Variants in CHD6 observed in about 807,000 individuals in gnomAD.
CHD6 encodes the protein chromodomain helicase DNA binding protein 6.
In CHD6, 50 loss-of-function variants were observed where a neutral mutation model predicts 276.9. The ratio of observed to expected loss-of-function variants is 0.18; its 90% CI spans 0.14 to 0.23. The LOEUF (loss-of-function observed/expected upper bound fraction) is 0.23. Ranked by LOEUF, CHD6 falls within the 10% of genes least tolerant of loss-of-function variation. The pLI, the probability that CHD6 is intolerant of heterozygous loss-of-function variation, is 1.00. For synonymous variants in CHD6, 1,173 were observed against 1,229.3 expected, an observed-to-expected ratio of 0.95 and a Z score of 0.96; for missense variants, 2,564 against 3,365.8, an observed-to-expected ratio of 0.76 and a Z score of 5.89.
rs117191574 is a variant in CHD6 at position 41,539,620 on chromosome 20, C to A, written c.34-6050G>T. Among the ~76,000 whole-genome samples, 16 of 152,192 alleles carry A rather than the reference C, an allele frequency of 1.1e-4. No individual in the cohort carries two copies. The East Asian group carries it at 2.5e-3, about 24-fold the overall frequency. ...CACTGCCCAGGGAGTGACCTTAAGACCAAATTAGATAAAAATACAACAAAA... is the reference window on the plus strand; with the variant it reads ...CACTGCCCAGGGAGTGACCTTAAGAACAAATTAGATAAAAATACAACAAAA... On this transcript the variant is annotated intron_variant, in intron 2 of 36. Coordinates refer to ENST00000373233, the MANE Select transcript of CHD6 (RefSeq NM_032221.5).
chr20:41,595,386 C>T (rs1020815785), intron 1 of CHD6, among the ~76,000 whole-genome samples: 2 of 152,078 alleles, frequency 1.3e-5, no homozygotes, highest in African/African-American at 4.8e-5. Context: ...GTGGGGCACG[C>T]CTTTCCTGTC....
intron 1 of CHD6, among the ~76,000 whole-genome samples, chr20:41,557,411 T>C (rs377707173): frequency 6.6e-6 from 1 of 152,036 alleles, no homozygotes; most frequent in Admixed American, 6.6e-5. Context: ...AGTTTTCTTT[T>C]CTTTTTTTTT....
At chr20:41,407,422 A>C (rs993278048) in intron 36 of CHD6, among the ~76,000 whole-genome samples, 2 of 152,206 alleles carry the variant, frequency 1.3e-5, no homozygotes, top group African/African-American at 2.4e-5. Flanking sequence ...GCAGAGAAAG[A>C]AGCCAGGGAA....
intron 1 of CHD6, among the ~76,000 whole-genome samples, chr20:41,582,931 C>T (rs1460965527): frequency 1.3e-5 from 2 of 152,036 alleles, no homozygotes; most frequent in African/African-American, 2.4e-5. Flanking sequence ...ATCACCCAAA[C>T]TGCAACAAAA....
chr20:41,482,021 A>G (rs1218547532), intron 16 of CHD6, among the ~76,000 whole-genome samples: 1 of 152,108 alleles, frequency 6.6e-6, no homozygotes, highest in African/African-American at 2.4e-5. Context: ...AAGAGAAACT[A>G]CAATCTTAAG....
In CHD6 at chr20:41,404,264, C is replaced by T. The variant is rs1360338990; in HGVS notation, c.*329G>A. On this transcript the variant is annotated 3_prime_UTR_variant, in exon 37 of 37. Coordinates refer to ENST00000373233, the MANE Select transcript of CHD6 (RefSeq NM_032221.5). ...AAAACCCTAGACAGCTTTCTTTTGCCATTTTTCCTCCTCAAGTGAGTGGGA... is the reference window on the plus strand; with the variant it reads ...AAAACCCTAGACAGCTTTCTTTTGCTATTTTTCCTCCTCAAGTGAGTGGGA... 7 of 1,093,158 alleles carry T rather than the reference C, an allele frequency of 6.4e-6. No homozygotes were observed. The highest frequency in any genetic ancestry group is 7.8e-6 in the Non-Finnish European group (7 of 899,112). 67.7% of individuals were successfully genotyped at this position (1,093,158 alleles called of 1,614,324 possible). A position where few individuals can be genotyped will look rare whatever the true frequency, so the allele number is the denominator to read the frequency against.
In CHD6 at chr20:41,551,437, T is replaced by A. The variant is rs147434754; in HGVS notation, c.-23-77A>T. ...CATTTTCAACATCTCCAGATTACTGTAACACACAAGGAAAACAAACAGGGG... is the reference window on the plus strand; with the variant it reads ...CATTTTCAACATCTCCAGATTACTGAAACACACAAGGAAAACAAACAGGGG... On this transcript the variant is annotated intron_variant, in intron 1 of 36. Coordinates refer to ENST00000373233, the MANE Select transcript of CHD6 (RefSeq NM_032221.5). 30 of 665,058 alleles carry A rather than the reference T, an allele frequency of 4.5e-5. No individual in the cohort carries two copies. In the African/African-American group the frequency reaches 5.0e-4, roughly 11 times the overall value. The allele number at this position is 665,058 out of a possible 1,614,324, so 41.2% of individuals were successfully genotyped here. A position where few individuals can be genotyped will look rare whatever the true frequency, so the allele number is the denominator to read the frequency against.
chr20:41,504,403 CTTTTTTTTTTTT>C (rs200549678), intron 5 of CHD6, among the ~76,000 whole-genome samples: 5 of 109,972 alleles, frequency 4.5e-5, no homozygotes, highest in Admixed American at 9.8e-5. Context: ...CCTCTATTTT[CTTTTTTTTTTTT>C]TTTTTTTTTT....
At chr20:41,439,650 T>C (rs1233776041) in intron 26 of CHD6, among the ~76,000 whole-genome samples, 1 of 152,180 alleles carries the variant, frequency 6.6e-6, no homozygotes, top group East Asian at 1.9e-4. Flanking sequence ...TGTTCTTAGC[T>C]ATTCTGCCAG....
At chr20:41,552,796 G>A (rs1211565324) in intron 1 of CHD6, among the ~76,000 whole-genome samples, 3 of 152,294 alleles carry the variant, frequency 2.0e-5, no homozygotes, top group East Asian at 3.9e-4. Context: ...TGTTTGCAAA[G>A]AGTGCAGCGG....
chr20:41,485,037 A>T (rs1161448605), intron 14 of CHD6, among the ~76,000 whole-genome samples: 1 of 152,210 alleles, frequency 6.6e-6, no homozygotes, highest in Non-Finnish European at 1.5e-5. Context: ...TAAGAAGTAG[A>T]GATGATCTGG....
chr20:41,415,156 T>C lies in CHD6; in HGVS notation c.6939+30A>G, dbSNP rs371614583. The C allele has an allele frequency of 5.7e-6, 9 of 1,579,624 alleles. No homozygotes were observed. In the African/African-American group the frequency reaches 9.5e-5, roughly 17 times the overall value. On this transcript the variant is annotated intron_variant, in intron 34 of 36. Transcript: ENST00000373233. ...TTGTTTCTCAGTGTAGAAAGGTAAA[T>C]GTTTTTAATCTAATGACCTCAATAC... is the stretch of plus-strand genomic sequence containing the variant.
Position 41,491,694 on chromosome 20 carries a change from T to A in CHD6, c.1436+4A>T, listed in dbSNP as rs761418210. On this transcript the variant is annotated splice_donor_region_variant and intron_variant, in intron 11 of 36. Transcript: ENST00000373233. ...AAACATCTGGGCTGGTTTTGGTTCC[T>A]TACCTGTTATACCAGTTAAAAAGAA... 11 of 1,613,580 alleles carry A rather than the reference T, an allele frequency of 6.8e-6. No individual in the cohort carries two copies. The Admixed American group carries it at 1.8e-4, about 27-fold the overall frequency.
intron 1 of CHD6, among the ~76,000 whole-genome samples, chr20:41,608,247 G>T (rs2045850505): frequency 1.3e-5 from 2 of 152,074 alleles, no homozygotes; most frequent in African/African-American, 4.8e-5. Flanking sequence ...ATGCCAAAAA[G>T]TTTCCATTAA....
At chr20:41,445,516 G>A (rs1287557042) in intron 25 of CHD6, 149 bp downstream of exon 25, 4 of 593,534 alleles carry the variant, frequency 6.7e-6, no homozygotes, top group Non-Finnish European at 1.2e-5. Context: ...AATTCCAAGA[G>A]GGCAGCTGTG....
At position 41,553,184 on chromosome 20, in the gene CHD6, TAAA is replaced by T. The variant is rs901943515; in HGVS notation, c.-23-1827_-23-1825del. Among the ~76,000 whole-genome samples, 15 of 152,082 alleles carry T rather than the reference TAAA, an allele frequency of 9.9e-5. 1 individual carries two copies. Among genetic ancestry groups the T allele is most frequent in the African/African-American group, 3.6e-4 (15 of 41,430 alleles). On this transcript the variant is annotated intron_variant, in intron 1 of 36. Coordinates refer to ENST00000373233, the MANE Select transcript of CHD6 (RefSeq NM_032221.5). ...TCACAAACTGCCACAAAGTCAAAAA[TAAA>T]GAAGTTTGGGGGAAAATTCCAGCTA...
chr20:41,545,823 C>G (rs886566400), intron 2 of CHD6, among the ~76,000 whole-genome samples: 1 of 152,094 alleles, frequency 6.6e-6, no homozygotes. Context: ...TTACTCTCTT[C>G]CCTCCTAAGC....
At chr20:41,427,523 G>C (rs1437608267) in intron 27 of CHD6, among the ~76,000 whole-genome samples, 1 of 152,170 alleles carries the variant, frequency 6.6e-6, no homozygotes, top group Non-Finnish European at 1.5e-5. Context: ...CACACAGCTG[G>C]CAAGTGGCAG....
At position 41,403,957 on chromosome 20, in the gene CHD6, A is replaced by G. The variant is rs1403686929; in HGVS notation, c.*636T>C. ...GTCAGTCAGTATTTCTTCTTGCTGC[A>G]GGTGTCTGAAAAACCACCAAGGGGG... On this transcript the variant is annotated 3_prime_UTR_variant, in exon 37 of 37. Transcript: ENST00000373233. The G allele has an allele frequency of 1.4e-5, 15 of 1,053,678 alleles. No homozygotes were observed. The highest frequency in any genetic ancestry group is 4.2e-4 in the Middle Eastern group (1 of 2,362). 65.3% of individuals were successfully genotyped at this position (1,053,678 alleles called of 1,614,324 possible).
Sources: allele counts gnomAD v4.1 joint callset (sites outside exome capture counted in the v4.1 genomes callset), GRCh38; gene constraint gnomAD v4.1.1; transcripts MANE v1.5; gene names NCBI Gene and HGNC (gene_info 2026-07-23, HGNC 2026-07-21).